Variants in CSMD1 observed in about 807,000 individuals in gnomAD.
CSMD1 encodes CUB and Sushi multiple domains 1.
A neutral mutation model predicts 417.5 loss-of-function variants in CSMD1; 213 were observed. The observed-to-expected ratio is 0.51, with a 90% CI of 0.46 to 0.57. CSMD1 has a LOEUF of 0.57. Among genes scored for constraint, CSMD1 ranks in the 20% least tolerant of loss-of-function variants. The pLI is 0.00. For missense variants in CSMD1, 6,923 were observed against 4,529.7 expected, an observed-to-expected ratio of 1.53 and a Z score of -15.17; for synonymous variants, 2,862 against 1,736.8, an observed-to-expected ratio of 1.65 and a Z score of -16.11.
At chr8:3,883,009 C>A (rs541726383) in intron 5 of CSMD1, among the ~76,000 whole-genome samples, 28 of 152,292 alleles carry the variant, frequency 1.8e-4, no homozygotes, top group Non-Finnish European at 4.0e-4. Context: ...CTTCTGCATG[C>A]ATATTTTATC....
At position 3,645,579 on chromosome 8, in the gene CSMD1, G is replaced by T. The variant is rs377335923; in HGVS notation, c.1010-28782C>A. The stretch of plus-strand genomic sequence containing the variant: ...TGGGAAGTGTCAGTCTTCTGCAAGG[G>T]ATCATGGGAAGAGTCAGCCTTCTGC... On this transcript the variant is annotated intron_variant, in intron 7 of 69. Transcript: ENST00000635120. 1.2e-4 allele frequency among the ~76,000 whole-genome samples: 18 copies of T among 152,246 alleles called. No individual in the cohort carries two copies. The South Asian group carries it at 1.2e-3, about 11-fold the overall frequency.
rs565551733 is a variant in CSMD1 at position 3,142,798 on chromosome 8, G to A, written c.6032-124C>T. Reference sequence around the variant, plus strand: ...ATCCCTCTCTGTGAGACAGAACCATGCCGTGGAGGACGGCATTCACTGTGG... The same window carrying A: ...ATCCCTCTCTGTGAGACAGAACCATACCGTGGAGGACGGCATTCACTGTGG... On this transcript the variant is annotated intron_variant, in intron 40 of 69. Coordinates refer to ENST00000635120, the MANE Select transcript of CSMD1 (RefSeq NM_033225.6). 1.0e-4 allele frequency: 87 copies of A among 854,956 alleles called. No homozygotes were observed. The African/African-American group carries it at 1.3e-3, about 12-fold the overall frequency. The allele number at this position is 854,956 out of a possible 1,614,324, so 53.0% of individuals were successfully genotyped here.
rs1170464528 is a variant in CSMD1, at chr8:3,177,407, G to A, written c.5725+3703C>T. Among the ~76,000 whole-genome samples, 3 of 152,138 alleles carry A rather than the reference G, an allele frequency of 2.0e-5. No individual in the cohort carries two copies. In the East Asian group the frequency reaches 5.8e-4, roughly 29 times the overall value. On this transcript the variant is annotated intron_variant, in intron 37 of 69. Coordinates refer to ENST00000635120, the MANE Select transcript of CSMD1 (RefSeq NM_033225.6). ...GCATGTCCCTGAAGCTTTGCTCTTA[G>A]GAAACACAAATCTTAAACCACTGCA...
chr8:4,389,923 G>A (rs1001844951), intron 3 of CSMD1, among the ~76,000 whole-genome samples: 1 of 152,092 alleles, frequency 6.6e-6, no homozygotes, highest in African/African-American at 2.4e-5. Flanking sequence ...TATAATTCTA[G>A]GATGAATAGC....
At chr8:4,664,405 CG>C (rs1563095277) in intron 1 of CSMD1, among the ~76,000 whole-genome samples, 1 of 151,892 alleles carries the variant, frequency 6.6e-6, no homozygotes, top group Non-Finnish European at 1.5e-5. Context: ...ACAGTAGAAA[CG>C]AAAATTGAAT....
intron 3 of CSMD1, among the ~76,000 whole-genome samples, chr8:4,244,617 C>T (rs1009834473): frequency 4.0e-5 from 6 of 151,482 alleles, no homozygotes; most frequent in Admixed American, 3.3e-4. Context: ...AAACAGTGCA[C>T]TGAACATGAC....
At chr8:3,996,537 T>C (rs1388351525) in intron 5 of CSMD1, among the ~76,000 whole-genome samples, 1 of 152,168 alleles carries the variant, frequency 6.6e-6, no homozygotes, top group Admixed American at 6.5e-5. Context: ...TAACTTAGGT[T>C]ATCCACCTCT....
At chr8:4,657,373 C>A (rs529647747) in intron 1 of CSMD1, among the ~76,000 whole-genome samples, 1 of 152,252 alleles carries the variant, frequency 6.6e-6, no homozygotes, top group Non-Finnish European at 1.5e-5. Flanking sequence ...TATTTCCTTT[C>A]TGCCTCTCTT....
chr8:4,521,648 T>C (rs1803455194), intron 2 of CSMD1, among the ~76,000 whole-genome samples: 1 of 152,172 alleles, frequency 6.6e-6, no homozygotes, highest in African/African-American at 2.4e-5. Flanking sequence ...TAGAAAAAGG[T>C]GGCCCTCAGG....
chr8:3,186,184 G>GTT (rs1420776435), intron 36 of CSMD1, among the ~76,000 whole-genome samples: 1 of 152,068 alleles, frequency 6.6e-6, no homozygotes, highest in Non-Finnish European at 1.5e-5. Flanking sequence ...TGTTGATGAT[G>GTT]TTTTTAATGA....
intron 1 of CSMD1, among the ~76,000 whole-genome samples, chr8:4,865,229 TA>T (rs1416995750): frequency 6.6e-6 from 1 of 151,824 alleles, no homozygotes; most frequent in African/African-American, 2.4e-5. Flanking sequence ...TTTAAAAAAT[TA>T]AATACTTGTA....
chr8:4,044,874 T>G (rs144695335), intron 3 of CSMD1, among the ~76,000 whole-genome samples: 152 of 152,294 alleles, frequency 1.0e-3, no homozygotes, highest in African/African-American at 3.1e-3. Context: ...ATCCTGAACT[T>G]TGCAGCCCTC....
chr8:4,804,313 A>C (rs557273860), intron 1 of CSMD1, among the ~76,000 whole-genome samples: 1 of 152,222 alleles, frequency 6.6e-6, no homozygotes, highest in Non-Finnish European at 1.5e-5. Flanking sequence ...TTAATAATTG[A>C]AAAACTCATG....
intron 3 of CSMD1, among the ~76,000 whole-genome samples, chr8:4,105,544 T>G (rs1801524460): frequency 6.6e-6 from 1 of 152,120 alleles, no homozygotes; most frequent in Non-Finnish European, 1.5e-5. Flanking sequence ...TGCAGACAAT[T>G]AAAAAATACG....
At chr8:2,976,480 G>A (rs1404456561) in intron 55 of CSMD1, among the ~76,000 whole-genome samples, 2 of 152,026 alleles carry the variant, frequency 1.3e-5, no homozygotes, top group Non-Finnish European at 2.9e-5. Flanking sequence ...CAATGTGCTG[G>A]GACTATAGGC....
intron 1 of CSMD1, among the ~76,000 whole-genome samples, chr8:4,952,216 T>G (rs960176997): frequency 6.6e-6 from 1 of 151,956 alleles, no homozygotes; most frequent in African/African-American, 2.4e-5. Flanking sequence ...AATAAAGCCA[T>G]GTTTGCTCCG....
intron 3 of CSMD1, among the ~76,000 whole-genome samples, chr8:4,296,429 G>C (rs921439781): frequency 2.0e-5 from 3 of 152,112 alleles, no homozygotes; most frequent in South Asian, 4.1e-4. Context: ...AAGAGTGTGA[G>C]ATAGCATGGC....
intron 1 of CSMD1, among the ~76,000 whole-genome samples, chr8:4,964,862 C>T (rs1254302496): frequency 6.6e-6 from 1 of 152,166 alleles, no homozygotes; most frequent in African/African-American, 2.4e-5. Context: ...GATGTAATTG[C>T]TCCAGCTGTA....
chr8:4,048,898 T>C (rs1388295033), intron 3 of CSMD1, among the ~76,000 whole-genome samples: 4 of 152,186 alleles, frequency 2.6e-5, no homozygotes, highest in Admixed American at 6.5e-5. Flanking sequence ...CATACAAAAA[T>C]AGTCTATTTG....
Sources: gnomAD v4.1 joint callset for allele counts (sites outside exome capture counted in the v4.1 genomes callset) on GRCh38, gnomAD v4.1.1 for gene constraint, MANE v1.5 for transcripts, NCBI Gene and HGNC (gene_info 2026-07-23, HGNC 2026-07-21) for gene names.